TRDN: variants seen among roughly 807,000 people sequenced by gnomAD.
The protein encoded by TRDN is triadin in skeletal muscle.
In TRDN, 161 loss-of-function variants were observed where a neutral mutation model predicts 149.7. The ratio of observed to expected loss-of-function variants is 1.08; its 90% CI spans 0.95 to 1.23. The LOEUF (loss-of-function observed/expected upper bound fraction) is 1.23. Ranked by LOEUF, TRDN falls within the 50% of genes most tolerant of loss-of-function variation. TRDN has a pLI of 0.00. For missense variants in TRDN, 896 were observed against 823.5 expected, an observed-to-expected ratio of 1.09 and a Z score of -1.08; for synonymous variants, 294 against 250.5, an observed-to-expected ratio of 1.17 and a Z score of -1.64.
chr6:123,612,296 T>C (rs1007805517), intron 1 of TRDN, among the ~76,000 whole-genome samples: 15 of 142,006 alleles, frequency 1.1e-4, no homozygotes, highest in African/African-American at 3.6e-4. Flanking sequence ...CATTAGGAGA[T>C]ATACCTAATG....
chr6:123,529,925 C>A (rs957744548), intron 5 of TRDN, among the ~76,000 whole-genome samples: 1 of 151,914 alleles, frequency 6.6e-6, no homozygotes, highest in African/African-American at 2.4e-5. Context: ...ATAAGCAAGA[C>A]AATGCTGGCC....
At chr6:123,404,708 GC>G (rs1331493865) in intron 12 of TRDN, among the ~76,000 whole-genome samples, 4 of 152,080 alleles carry the variant, frequency 2.6e-5, no homozygotes, top group Non-Finnish European at 5.9e-5. Context: ...GCTTCCCAAA[GC>G]GCTGGGATTA....
chr6:123,599,557 CA>C (rs1202842598), intron 1 of TRDN, among the ~76,000 whole-genome samples: 2 of 151,834 alleles, frequency 1.3e-5, no homozygotes, highest in African/African-American at 4.8e-5. Context: ...ACATTATTGC[CA>C]TTTTTTTGTT....
At chr6:123,270,757 G>A (rs763014203) in intron 30 of TRDN, among the ~76,000 whole-genome samples, 1 of 151,774 alleles carries the variant, frequency 6.6e-6, no homozygotes, top group Non-Finnish European at 1.5e-5. Flanking sequence ...AATTATTCCA[G>A]CTAATTTATA....
intron 12 of TRDN, among the ~76,000 whole-genome samples, chr6:123,422,694 A>G (rs1773959373): frequency 6.6e-6 from 1 of 152,210 alleles, no homozygotes; most frequent in African/African-American, 2.4e-5. Context: ...CACAATTTAT[A>G]CAAGTAGTAA....
At chr6:123,236,198 C>T (rs1775781142) in intron 38 of TRDN, among the ~76,000 whole-genome samples, 1 of 152,160 alleles carries the variant, frequency 6.6e-6, no homozygotes, top group African/African-American at 2.4e-5. Context: ...TAAAAAGTTA[C>T]TTATCCTAAT....
intron 12 of TRDN, among the ~76,000 whole-genome samples, chr6:123,428,966 A>G (rs1774230899): frequency 6.6e-6 from 1 of 152,242 alleles, no homozygotes; most frequent in Non-Finnish European, 1.5e-5. Context: ...GAAGGAAAGC[A>G]TAATTTCTAC....
intron 6 of TRDN, 125 bp from the exon 7 acceptor site, chr6:123,512,487 TAA>T (rs1779231515): frequency 1.8e-6 from 1 of 547,926 alleles, no homozygotes; most frequent in African/African-American, 1.9e-5. Context: ...ATGACATTAA[TAA>T]GTCTAATTCA....
chr6:123,605,007 C>T (rs1247273695), intron 1 of TRDN, among the ~76,000 whole-genome samples: 1 of 151,880 alleles, frequency 6.6e-6, no homozygotes, highest in African/African-American at 2.4e-5. Flanking sequence ...CACGTAAACA[C>T]TCACACATAT....
At chr6:123,267,637 T>G in intron 32 of TRDN, 70 bp downstream of exon 32, 1 of 1,095,012 alleles carries the variant, frequency 9.1e-7, no homozygotes, top group Non-Finnish European at 1.3e-6. Context: ...TTGTATGCAT[T>G]ACTTTAATTT....
chr6:123,395,623 T>C (rs1350978078), intron 12 of TRDN, among the ~76,000 whole-genome samples: 2 of 152,072 alleles, frequency 1.3e-5, no homozygotes, highest in Non-Finnish European at 2.9e-5. Context: ...GTCCAACACA[T>C]GCCAAAGAAA....
intron 19 of TRDN, among the ~76,000 whole-genome samples, chr6:123,367,785 G>C (rs975652752): frequency 4.6e-5 from 7 of 152,154 alleles, no homozygotes; most frequent in African/African-American, 1.4e-4. Flanking sequence ...GTTCCCAGGG[G>C]ATGCTTAGGC....
intron 23 of TRDN, among the ~76,000 whole-genome samples, chr6:123,325,554 A>T (rs749041621): frequency 6.6e-6 from 1 of 152,122 alleles, no homozygotes; most frequent in Non-Finnish European, 1.5e-5. Flanking sequence ...AGTGAATAAA[A>T]TATATAGATT....
chr6:123,304,445 A>T (rs553982206), intron 24 of TRDN, among the ~76,000 whole-genome samples: 1 of 151,682 alleles, frequency 6.6e-6, no homozygotes, highest in East Asian at 1.9e-4. Flanking sequence ...GTACAGATGC[A>T]GTTTCACCAT....
At chr6:123,382,619 C>G (rs149870506) in intron 14 of TRDN, among the ~76,000 whole-genome samples, 2 of 151,980 alleles carry the variant, frequency 1.3e-5, no homozygotes, top group Admixed American at 1.3e-4. Context: ...AATCAATACA[C>G]TTCCAATATA....
chr6:123,494,429 G>C (rs1168033836), intron 9 of TRDN, among the ~76,000 whole-genome samples: 1 of 152,074 alleles, frequency 6.6e-6, no homozygotes, highest in African/African-American at 2.4e-5. Flanking sequence ...TTAGTGCATG[G>C]TTCTCTGTGT....
At chr6:123,499,719 A>ATATATAT (rs1554249831) in intron 8 of TRDN, among the ~76,000 whole-genome samples, 4 of 47,676 alleles carry the variant, frequency 8.4e-5, no homozygotes, top group Non-Finnish European at 1.8e-4. Context: ...AAAAAAAAAA[A>ATATATAT]ATATATATAT....
rs1278489140 is a variant in TRDN, at chr6:123,464,407, T to C, written c.931+499A>G. The C allele has an allele frequency of 1.0e-5, 10 of 967,874 alleles. No homozygotes were observed. The South Asian group carries it at 4.2e-4, about 41-fold the overall frequency. 60.0% of individuals were successfully genotyped at this position (967,874 alleles called of 1,614,324 possible). A position where few individuals can be genotyped will look rare whatever the true frequency, so the allele number is the denominator to read the frequency against. ...GTGTGTGAGTGTGTGTGTATATATA[T>C]ATTTCAATCCTCACAATAACGCTAG... On this transcript the variant is annotated intron_variant, in intron 10 of 40. Coordinates refer to ENST00000334268, the MANE Select transcript of TRDN (RefSeq NM_006073.4).
At chr6:123,276,556 C>T (rs1322836332) in intron 26 of TRDN, among the ~76,000 whole-genome samples, 1 of 152,110 alleles carries the variant, frequency 6.6e-6, no homozygotes, top group Non-Finnish European at 1.5e-5. Context: ...TTTGAAAATT[C>T]TCAGCCTATC....
Sources: allele counts gnomAD v4.1 joint callset (sites outside exome capture counted in the v4.1 genomes callset), GRCh38; gene constraint gnomAD v4.1.1; transcripts MANE v1.5; gene names NCBI Gene and HGNC (gene_info 2026-07-23, HGNC 2026-07-21).